The following NIN variants were observed in gnomAD, a reference collection of about 807,000 sequenced individuals.
The protein encoded by NIN is glycogen synthase kinase 3 beta-interacting protein.
Under a neutral mutation model 257.6 loss-of-function variants are expected in NIN, and 137 were observed. The observed-to-expected ratio is 0.53, with a 90% CI of 0.46 to 0.61. The LOEUF is 0.61. Ranked by LOEUF, NIN falls within the 20% of genes least tolerant of loss-of-function variation. The probability of loss-of-function intolerance (pLI) is 0.00; values close to 1 mark genes in which losing one functional copy is unlikely to be tolerated. For synonymous variants in NIN, 918 were observed against 919.8 expected (o/e 1.00, Z 0.04); for missense variants, 2,439 against 2,501.2 (o/e 0.98, Z 0.53).
rs116586422 is a variant in NIN, at chr14:50,790,075, G to A, written c.435+2637C>T. 8.9e-3 allele frequency among the ~76,000 whole-genome samples: 1,359 copies of A among 152,038 alleles called. 21 individuals are homozygous for A. Among genetic ancestry groups the A allele is most frequent in the African/African-American group, 0.031 (1,269 of 41,480 alleles). On this transcript the variant is annotated intron_variant, in intron 5 of 30. Coordinates refer to ENST00000530997, the MANE Select transcript of NIN (RefSeq NM_020921.4). ...GTGAAGCTATTACTTTTTTTTTGGA[G>A]ACAAGGTCTTGCTCTGTCACCCAGG...
At chr14:50,770,607 G>C in intron 11 of NIN, 45 bp from the exon 12 acceptor site, 1 of 1,597,500 alleles carries the variant, frequency 6.3e-7, no homozygotes, top group Non-Finnish European at 8.5e-7. Context: ...GTCTTTCAGA[G>C]GTCCCAGTAT....
chr14:50,830,690 C>T (rs2045666048), intron 1 of NIN, 173 bp from the exon 2 acceptor site: 1 of 162,086 alleles, frequency 6.2e-6, no homozygotes. Context: ...TCTCGGGGGC[C>T]GCGGGCTGCA....
At position 50,757,648 on chromosome 14, in the gene NIN, G is replaced by A; in HGVS notation, c.3382C>T (p.Gln1128Ter). 1 of 1,614,140 alleles carries A rather than the reference G, an allele frequency of 6.2e-7. No homozygotes were observed. The highest frequency in any genetic ancestry group is 2.2e-5 in the East Asian group (1 of 44,876). Residue 1128 changes from glutamine to a stop codon, truncating the protein, a stop_gained, in exon 18 of 31, where the codon CAG becomes TAG. Transcript: ENST00000530997. LOFTEE classifies it high-confidence loss of function. ...NTAEQTEQFL[Q>*]QNRTKQVEGV... ...TCTACTTGCTTCGTTCGGTTTTGCTGTAAAAACTGCTCTGTTTGTTCCGCA... is the reference window on the plus strand; with the variant it reads ...TCTACTTGCTTCGTTCGGTTTTGCTATAAAAACTGCTCTGTTTGTTCCGCA...
chr14:50,771,343 G>C lies in NIN; in HGVS notation c.1107C>G (p.Ile369Met). 6.2e-7 allele frequency: 1 copy of C among 1,613,954 alleles called. No homozygotes were observed. The highest frequency in any genetic ancestry group is 1.1e-5 in the South Asian group (1 of 91,030). ...QAALASFKAE[I>M]RHLLERVDQV... ...TCTGCTCAACTCACAACAAATGCCG[G>C]ATTTCAGCCTTAAAGCTGGCCAGAG... Residue 369 changes from isoleucine (I) to methionine (M), a missense_variant, in exon 10 of 31, where the codon ATC (isoleucine) becomes ATG (methionine). Around this residue, in one of 3 missense-constraint regions of NIN, gnomAD observed 2,043 missense variants for 2,050.2 expected, o/e 1.00. Coordinates refer to ENST00000530997, the MANE Select transcript of NIN (RefSeq NM_020921.4).
chr14:50,804,740 A>G (rs530939860), intron 4 of NIN, among the ~76,000 whole-genome samples: 2 of 152,244 alleles, frequency 1.3e-5, no homozygotes, highest in Admixed American at 6.5e-5. Flanking sequence ...CACTGGAAGA[A>G]TTGTCTTGGG....
chr14:50,735,490 C>A, intron 28 of NIN, 26 bp downstream of exon 28: 2 of 1,610,492 alleles, frequency 1.2e-6, no homozygotes, highest in Non-Finnish European at 1.7e-6. Context: ...TTCTTCATAG[C>A]TAAGGCCATC....
chr14:50,799,510 C>T (rs1157145097), intron 4 of NIN, among the ~76,000 whole-genome samples: 1 of 152,200 alleles, frequency 6.6e-6, no homozygotes, highest in Admixed American at 6.5e-5. Context: ...ATGACGTTAT[C>T]CAGTTCGTCA....
intron 2 of NIN, chr14:50,823,158 T>TG (rs753418169): frequency 4.4e-5 from 23 of 524,894 alleles, no homozygotes; most frequent in Middle Eastern, 3.2e-4. Flanking sequence ...AATCTGTGGT[T>TG]TTTTTTTTTT....
At chr14:50,745,249 C>T (rs554417691) in intron 22 of NIN, among the ~76,000 whole-genome samples, 92 of 152,240 alleles carry the variant, frequency 6.0e-4, no homozygotes, top group African/African-American at 2.1e-3. Flanking sequence ...TGCTTCACAG[C>T]GTCTCTGGCT....
chr14:50,732,427 T>C (rs1230057020), intron 28 of NIN, among the ~76,000 whole-genome samples: 2 of 152,210 alleles, frequency 1.3e-5, no homozygotes, highest in East Asian at 3.8e-4. Context: ...GGTATCATAC[T>C]ATAAATAAAA....
intron 27 of NIN, among the ~76,000 whole-genome samples, chr14:50,736,602 T>C (rs2040993351): frequency 6.6e-6 from 1 of 152,148 alleles, no homozygotes; most frequent in African/African-American, 2.4e-5. Flanking sequence ...AAGTGTAGTC[T>C]TCCAGGTCCA....
At chr14:50,759,798 A>G (rs1337653316) in intron 17 of NIN, 59 bp downstream of exon 17, 2 of 1,528,742 alleles carry the variant, frequency 1.3e-6, no homozygotes, top group Non-Finnish European at 1.7e-6. Context: ...CACAACTGGC[A>G]CTTCTAATGC....
intron 29 of NIN, among the ~76,000 whole-genome samples, chr14:50,728,358 T>A (rs910348657): frequency 6.6e-6 from 1 of 152,188 alleles, no homozygotes; most frequent in African/African-American, 2.4e-5. Flanking sequence ...AAAAACAGAT[T>A]TTAAAGCTCA....
At chr14:50,787,321 C>T (rs370145862) in intron 5 of NIN, among the ~76,000 whole-genome samples, 12 of 152,218 alleles carry the variant, frequency 7.9e-5, no homozygotes, top group African/African-American at 2.4e-4. Context: ...CCTGAGTAAT[C>T]GAGAACAGAA....
At chr14:50,800,007 T>TACACACACACACACACACAC (rs71118902) in intron 4 of NIN, among the ~76,000 whole-genome samples, 10 of 148,266 alleles carry the variant, frequency 6.7e-5, no homozygotes, top group East Asian at 2.0e-4. Flanking sequence ...TATATACACA[T>TACACACACACACACACACAC]ACACACACAC....
At chr14:50,751,915 A>C (rs1287420353) in intron 21 of NIN, among the ~76,000 whole-genome samples, 1 of 152,146 alleles carries the variant, frequency 6.6e-6, no homozygotes, top group African/African-American at 2.4e-5. Context: ...TCCATTTTTA[A>C]GAGTTCTTTA....
Position 50,760,689 on chromosome 14 carries a change from T to C in NIN, c.1897-330A>G, listed in dbSNP as rs112982016. Among the ~76,000 whole-genome samples, 816 of 152,214 alleles carry C rather than the reference T, an allele frequency of 5.4e-3. 8 individuals carry two copies. Among genetic ancestry groups the C allele is most frequent in the African/African-American group, 0.019 (780 of 41,516 alleles). ...TTGAGTCTTGGAACATATATATTTTTTGAGACAGGTTCTCACTCTGTCACC... is the reference window on the plus strand; with the variant it reads ...TTGAGTCTTGGAACATATATATTTTCTGAGACAGGTTCTCACTCTGTCACC... On this transcript the variant is annotated intron_variant, in intron 16 of 30. Transcript: ENST00000530997.
chr14:50,791,153 C>G (rs983815205), intron 5 of NIN, among the ~76,000 whole-genome samples: 1 of 152,206 alleles, frequency 6.6e-6, no homozygotes, highest in Admixed American at 6.5e-5. Flanking sequence ...CATTCCACAC[C>G]ACTCAGGGTT....
At chr14:50,802,569 T>C (rs1036534912) in intron 4 of NIN, among the ~76,000 whole-genome samples, 1 of 152,210 alleles carries the variant, frequency 6.6e-6, no homozygotes, top group Non-Finnish European at 1.5e-5. Context: ...CATTTGTCCT[T>C]GGGAAGAAGA....
Sources: allele counts gnomAD v4.1 joint callset (sites outside exome capture counted in the v4.1 genomes callset), GRCh38; gene constraint gnomAD v4.1.1; regional missense constraint gnomAD v4.1.1; transcripts MANE v1.5; gene names NCBI Gene and HGNC (gene_info 2026-07-23, HGNC 2026-07-21).